Variants in PLEKHM3 observed in about 807,000 individuals in gnomAD.
The protein encoded by PLEKHM3 is pleckstrin homology domain containing M3.
A neutral mutation model predicts 81.8 loss-of-function variants in PLEKHM3; 45 were observed. The observed-to-expected ratio is 0.55, with a 90% CI of 0.43 to 0.71. The LOEUF is 0.71. PLEKHM3 is among the 30% of genes least tolerant of loss of function. The pLI, the probability that PLEKHM3 is intolerant of heterozygous loss-of-function variation, is 0.00. For synonymous variants in PLEKHM3, 352 were observed against 356.4 expected (o/e 0.99, Z 0.14); for missense variants, 788 against 924.3 (o/e 0.85, Z 1.91).
chr2:207,865,801 A>AAAAAAATATATATAT, intron 6 of PLEKHM3, among the ~76,000 whole-genome samples: 3 of 25,282 alleles, frequency 1.2e-4, no homozygotes, highest in African/African-American at 2.1e-4. Context: ...AAAAAAAAAA[A>AAAAAAATATATATAT]AGATATATAT....
chr2:208,006,339 G>C (rs964203728), intron 1 of PLEKHM3, among the ~76,000 whole-genome samples: 4 of 152,240 alleles, frequency 2.6e-5, no homozygotes, highest in South Asian at 2.1e-4. Flanking sequence ...ATATAAAGGG[G>C]ACCTTCCTCT....
chr2:207,905,199 C>T (rs1337929445), intron 6 of PLEKHM3, among the ~76,000 whole-genome samples: 1 of 152,072 alleles, frequency 6.6e-6, no homozygotes, highest in Non-Finnish European at 1.5e-5. Context: ...TTTTCCTTTC[C>T]CCTGCAAAAT....
intron 1 of PLEKHM3, among the ~76,000 whole-genome samples, chr2:208,018,993 AAAAG>A (rs980927622): frequency 6.6e-6 from 1 of 151,930 alleles, no homozygotes; most frequent in Non-Finnish European, 1.5e-5. Flanking sequence ...ACAAAAAAAA[AAAAG>A]AAAGGATTTA....
intron 6 of PLEKHM3, among the ~76,000 whole-genome samples, chr2:207,870,884 G>C (rs1026365666): frequency 6.6e-6 from 1 of 152,182 alleles, no homozygotes; most frequent in African/African-American, 2.4e-5. Context: ...AAGGTGGGAG[G>C]ATCACTTGAG....
chr2:207,924,060 C>G (rs921644357), intron 5 of PLEKHM3, among the ~76,000 whole-genome samples: 6 of 150,868 alleles, frequency 4.0e-5, no homozygotes, highest in African/African-American at 1.5e-4. Context: ...TGCATGCCAC[C>G]ATGCCCTGCT....
At chr2:208,000,576 G>A (rs1692262661) in intron 2 of PLEKHM3, among the ~76,000 whole-genome samples, 4 of 152,170 alleles carry the variant, frequency 2.6e-5, no homozygotes. Context: ...CCCTCAGCTA[G>A]ATGAAAAGTT....
intron 5 of PLEKHM3, among the ~76,000 whole-genome samples, chr2:207,927,453 CTG>C (rs1689434139): frequency 1.4e-5 from 2 of 138,284 alleles, no homozygotes; most frequent in South Asian, 4.7e-4. Flanking sequence ...GAGGCAGAGG[CTG>C]CAGTGAGCCG....
At chr2:207,911,384 T>C (rs1459071623) in intron 5 of PLEKHM3, among the ~76,000 whole-genome samples, 1 of 152,224 alleles carries the variant, frequency 6.6e-6, no homozygotes, top group African/African-American at 2.4e-5. Context: ...GTCCTTACCT[T>C]CATACCCTTT....
chr2:207,968,538 T>C (rs1018347445), intron 3 of PLEKHM3, among the ~76,000 whole-genome samples: 9 of 152,198 alleles, frequency 5.9e-5, no homozygotes, highest in African/African-American at 2.2e-4. Flanking sequence ...GCTCATTCCC[T>C]TCAAGCCCTC....
At chr2:208,016,666 A>ATACACACACACACAC (rs1468410522) in intron 1 of PLEKHM3, among the ~76,000 whole-genome samples, 223 of 33,952 alleles carry the variant, frequency 6.6e-3, no homozygotes, top group African/African-American at 0.011. Context: ...AAAAAAAAAA[A>ATACACACACACACAC]AAATACACAC....
chr2:207,902,848 C>T (rs1688480523), intron 6 of PLEKHM3, among the ~76,000 whole-genome samples: 2 of 122,558 alleles, frequency 1.6e-5, no homozygotes, highest in African/African-American at 6.5e-5. Context: ...ACCCACCCAT[C>T]CACCCACCCA....
intron 1 of PLEKHM3, among the ~76,000 whole-genome samples, chr2:208,002,426 T>C (rs1278447957): frequency 6.6e-6 from 1 of 152,150 alleles, no homozygotes; most frequent in Non-Finnish European, 1.5e-5. Context: ...GGTTCTGCCC[T>C]TTTTTTAAAT....
At chr2:207,920,601 T>C (rs1308341898) in intron 5 of PLEKHM3, among the ~76,000 whole-genome samples, 2 of 151,934 alleles carry the variant, frequency 1.3e-5, no homozygotes, top group African/African-American at 2.4e-5. Flanking sequence ...TAGAATGATT[T>C]CTAAATCTAC....
chr2:207,920,708 T>A (rs1385205254), intron 5 of PLEKHM3, among the ~76,000 whole-genome samples: 2 of 151,356 alleles, frequency 1.3e-5, no homozygotes, highest in African/African-American at 4.9e-5. Context: ...TGGTGAGAAA[T>A]AGAGGGTAAT....
chr2:207,846,429 T>C (rs998100380), intron 7 of PLEKHM3, among the ~76,000 whole-genome samples: 4 of 152,066 alleles, frequency 2.6e-5, no homozygotes, highest in Non-Finnish European at 4.4e-5. Flanking sequence ...CGTGAACCAC[T>C]GCGCCTGGCC....
At chr2:208,016,668 A>ATACACACACACACAC (rs11436592) in intron 1 of PLEKHM3, among the ~76,000 whole-genome samples, 9,045 of 61,664 alleles carry the variant, frequency 0.15, 827 homozygotes, top group Non-Finnish European at 0.23. Flanking sequence ...AAAAAAAAAA[A>ATACACACACACACAC]ATACACACAC....
intron 4 of PLEKHM3, among the ~76,000 whole-genome samples, chr2:207,942,727 C>T (rs1204077778): frequency 1.3e-5 from 2 of 151,994 alleles, no homozygotes; most frequent in South Asian, 2.1e-4. Context: ...GGTGAAACCC[C>T]GTCTCTACTA....
chr2:207,904,850 A>G (rs1226635922), intron 6 of PLEKHM3, among the ~76,000 whole-genome samples: 1 of 152,190 alleles, frequency 6.6e-6, no homozygotes, highest in Non-Finnish European at 1.5e-5. Context: ...AGGCATTGTT[A>G]CTTATAAACA....
Position 208,001,113 on chromosome 2 carries a change from G to GGCT in PLEKHM3, c.524_526dup (p.Gln175dup), listed in dbSNP as rs772411757. The GGCT allele has an allele frequency of 3.2e-5, 51 of 1,594,256 alleles. No individual in the cohort carries two copies. Among genetic ancestry groups the GGCT allele is most frequent in the Non-Finnish European group, 3.8e-5 (45 of 1,170,580 alleles). On this transcript the variant is annotated inframe_insertion, in exon 2 of 8. Transcript: ENST00000427836. ...GGTGACATGCGGGCCTTGAAGCAAT[G>GGCT]GCTGCTGCTGTTGCTGCTGCTGCAA...
Sources: gnomAD v4.1 joint callset for allele counts (sites outside exome capture counted in the v4.1 genomes callset) on GRCh38, gnomAD v4.1.1 for gene constraint, MANE v1.5 for transcripts, NCBI Gene and HGNC (gene_info 2026-07-23, HGNC 2026-07-21) for gene names.